Variants in PTPN5 observed in about 807,000 individuals in gnomAD.
The protein encoded by PTPN5 is protein tyrosine phosphatase non-receptor type 5.
Under a neutral mutation model 73.9 loss-of-function variants are expected in PTPN5, and 29 were observed. The observed-to-expected ratio is 0.39, with a 90% CI of 0.29 to 0.54. The LOEUF is 0.54. Among genes scored for constraint, PTPN5 ranks in the 20% least tolerant of loss-of-function variants. The pLI, the probability that PTPN5 is intolerant of heterozygous loss-of-function variation, is 0.65. For missense variants in PTPN5, 652 were observed against 751.4 expected (o/e 0.87, Z 1.55); for synonymous variants, 267 against 304.7 (o/e 0.88, Z 1.29).
chr11:18,743,843 A>T, intron 4 of PTPN5, 163 bp downstream of exon 4: 1 of 783,804 alleles, frequency 1.3e-6, no homozygotes. Flanking sequence ...TCAGAATTCC[A>T]GCCTTCCCCT....
chr11:18,791,070 A>G (rs931654416), intron 1 of PTPN5, among the ~76,000 whole-genome samples: 4 of 152,158 alleles, frequency 2.6e-5, no homozygotes, highest in Non-Finnish European at 4.4e-5. Context: ...GCGGGAGGCT[A>G]AAGCTAAAGG....
intron 11 of PTPN5, 49 bp from the exon 12 acceptor site, chr11:18,732,751 AACTCTCTAC>A: frequency 6.8e-7 from 1 of 1,463,386 alleles, no homozygotes; most frequent in Non-Finnish European, 9.6e-7. Context: ...CCCTTCCCAC[AACTCTCTAC>A]ACTCTCTTCA....
Position 18,758,720 on chromosome 11 carries a change from G to C in PTPN5, c.97+7087C>G, listed in dbSNP as rs77384329. ...GATATAAAGAATTCCTGAGAGCTGG[G>C]GTGATTTGTCCCTGAGCCAGACCAA... On this transcript the variant is annotated intron_variant, in intron 3 of 14. Transcript: ENST00000358540. Among the ~76,000 whole-genome samples the C allele has an allele frequency of 8.9e-3, 1,347 of 152,052 alleles. 7 individuals are homozygous for C. The highest frequency in any genetic ancestry group is 0.015 in the Non-Finnish European group (1,048 of 67,988).
At chr11:18,747,001 G>A (rs191913994) in intron 3 of PTPN5, among the ~76,000 whole-genome samples, 1 of 152,246 alleles carries the variant, frequency 6.6e-6, no homozygotes, top group East Asian at 1.9e-4. Context: ...TTGGACCTTG[G>A]GCAATCCCTT....
At chr11:18,774,151 CAT>C (rs1273690653) in intron 1 of PTPN5, among the ~76,000 whole-genome samples, 1 of 152,258 alleles carries the variant, frequency 6.6e-6, no homozygotes, top group East Asian at 1.9e-4. Context: ...AAATTTTTCT[CAT>C]ATGTCTAACA....
At chr11:18,785,835 T>C (rs903385395) in intron 1 of PTPN5, among the ~76,000 whole-genome samples, 5 of 152,356 alleles carry the variant, frequency 3.3e-5, no homozygotes, top group Middle Eastern at 3.4e-3. Context: ...GCTACTGGAC[T>C]AACCAGGAAA....
At chr11:18,743,525 G>T in intron 4 of PTPN5, 96 bp from the exon 5 acceptor site, 1 of 1,112,976 alleles carries the variant, frequency 9.0e-7, no homozygotes, top group Non-Finnish European at 1.4e-6. Context: ...GGCCCTGCAT[G>T]GAGGCTCCTG....
At chr11:18,737,426 G>A (rs1222922799) in intron 9 of PTPN5, among the ~76,000 whole-genome samples, 1 of 152,198 alleles carries the variant, frequency 6.6e-6, no homozygotes, top group African/African-American at 2.4e-5. Flanking sequence ...ACTCCACACA[G>A]TGTAGACAGA....
At chr11:18,774,348 G>A (rs1041907296) in intron 1 of PTPN5, among the ~76,000 whole-genome samples, 1 of 152,230 alleles carries the variant, frequency 6.6e-6, no homozygotes, top group African/African-American at 2.4e-5. Context: ...AAAGGGCTCT[G>A]AACAATGCCA....
At chr11:18,791,002 A>G (rs1489349185) in intron 1 of PTPN5, among the ~76,000 whole-genome samples, 2 of 152,076 alleles carry the variant, frequency 1.3e-5, no homozygotes, top group Non-Finnish European at 2.9e-5. Context: ...AACCAGAAAC[A>G]AGCAGCATGC....
rs1167714444 is a variant in PTPN5 at position 18,742,177 on chromosome 11, G to C, written c.725+85C>G. ...AGGCCAGCTCTGCCCTGGGCACCAGGAGTCAGAGTCAGGCATCCACTCTTC... is the reference window on the plus strand; with the variant it reads ...AGGCCAGCTCTGCCCTGGGCACCAGCAGTCAGAGTCAGGCATCCACTCTTC... On this transcript the variant is annotated intron_variant, in intron 7 of 14. Transcript: ENST00000358540. This position sits in a 1 kb window ranked among gnomAD's most constrained non-coding sequence, Gnocchi z 4.1. 5.8e-6 allele frequency: 9 copies of C among 1,559,424 alleles called. No homozygotes were observed. Among genetic ancestry groups the C allele is most frequent in the African/African-American group, 1.4e-5 (1 of 74,032 alleles).
chr11:18,729,904 G>GAGGAAGAACAC lies in PTPN5; in HGVS notation c.1330-97_1330-87dup. 6.5e-7 allele frequency: 1 copy of GAGGAAGAACAC among 1,547,116 alleles called. No homozygotes were observed. The highest frequency in any genetic ancestry group is 8.9e-7 in the Non-Finnish European group (1 of 1,120,702). On this transcript the variant is annotated intron_variant, in intron 12 of 14. Transcript: ENST00000358540. The surrounding 1 kb of genome is among the most constrained non-coding windows in gnomAD (Gnocchi z 5.2). Reference sequence around the variant, plus strand: ...CCCAGAGATAGAGATGAGATGGAAGGAGGAAGAACACAGGAAGAACACTGA... The same window carrying GAGGAAGAACAC: ...CCCAGAGATAGAGATGAGATGGAAGGAGGAAGAACACAGGAAGAACACAGGAAGAACACTGA...
At chr11:18,762,010 C>T (rs556451340) in intron 3 of PTPN5, among the ~76,000 whole-genome samples, 4 of 152,252 alleles carry the variant, frequency 2.6e-5, no homozygotes, top group East Asian at 1.9e-4. Flanking sequence ...AGCACAAACA[C>T]GAGTGTGCGA....
intron 1 of PTPN5, among the ~76,000 whole-genome samples, chr11:18,783,830 T>C (rs1345216197): frequency 6.6e-6 from 1 of 152,190 alleles, no homozygotes; most frequent in Non-Finnish European, 1.5e-5. Context: ...CAGTAAATAC[T>C]TGCATGCTTG....
At position 18,770,206 on chromosome 11, in the gene PTPN5, A is replaced by G. The variant is rs528523087; in HGVS notation, c.20+1733T>C. 5.2e-4 allele frequency among the ~76,000 whole-genome samples: 79 copies of G among 152,358 alleles called. 2 individuals are homozygous for G. Among genetic ancestry groups the G allele is most frequent in the African/African-American group, 1.9e-3 (79 of 41,594 alleles). On this transcript the variant is annotated intron_variant, in intron 2 of 14. Transcript: ENST00000358540. ...GGTACAATTCAGTGGCATTTAATAC[A>G]TTCATAATGTTGTGCAACCATCATA...
In PTPN5 at chr11:18,743,307, C is replaced by T. The variant is rs1452527151; in HGVS notation, c.399+15G>A. The stretch of plus-strand genomic sequence containing the variant: ...CAGATCCCTGCTACCCTAGGACTCC[C>T]CAAAGCTTACTTACCGTGGGTTCCA... On this transcript the variant is annotated intron_variant, in intron 5 of 14. Coordinates refer to ENST00000358540, the MANE Select transcript of PTPN5 (RefSeq NM_006906.2). The T allele has an allele frequency of 6.2e-7, 1 of 1,613,388 alleles. No individual in the cohort carries two copies. The highest frequency in any genetic ancestry group is 1.3e-5 in the African/African-American group (1 of 75,000).
At chr11:18,788,888 T>A (rs1310079483) in intron 1 of PTPN5, among the ~76,000 whole-genome samples, 2 of 152,226 alleles carry the variant, frequency 1.3e-5, no homozygotes, top group African/African-American at 2.4e-5. Flanking sequence ...ACGGATGTCT[T>A]ATGAGGAGTA....
intron 1 of PTPN5, among the ~76,000 whole-genome samples, chr11:18,787,858 A>G (rs933894438): frequency 6.6e-6 from 1 of 152,234 alleles, no homozygotes; most frequent in Middle Eastern, 3.2e-3. Flanking sequence ...CCTAGGGGCT[A>G]GAACAACCTG....
chr11:18,743,894 G>A (rs1184729648), intron 4 of PTPN5, 112 bp downstream of exon 4: 3 of 1,260,382 alleles, frequency 2.4e-6, no homozygotes, highest in African/African-American at 3.1e-5. Flanking sequence ...AGGAACACCA[G>A]GGAGGCCCCT....
Sources: gnomAD v4.1 joint callset for allele counts (sites outside exome capture counted in the v4.1 genomes callset) on GRCh38, gnomAD v4.1.1 for gene constraint, Gnocchi (gnomAD v3.1) non-coding constraint, MANE v1.5 for transcripts, NCBI Gene and HGNC (gene_info 2026-07-23, HGNC 2026-07-21) for gene names.